SGMS2: variants seen among roughly 807,000 people sequenced by gnomAD.
SGMS2 encodes the protein phosphatidylcholine:ceramide cholinephosphotransferase 2.
A neutral mutation model predicts 43.8 loss-of-function variants in SGMS2; 21 were observed. The ratio of observed to expected loss-of-function variants is 0.48; its 90% CI spans 0.34 to 0.69. The LOEUF (loss-of-function observed/expected upper bound fraction) is 0.69, where lower values mean the gene tolerates loss of function less well. Ranked by LOEUF, SGMS2 falls within the 30% of genes least tolerant of loss-of-function variation. The pLI is 0.01. For missense variants in SGMS2, 384 were observed against 443.2 expected (o/e 0.87, Z 1.20); for synonymous variants, 167 against 160.6 (o/e 1.04, Z -0.30).
At chr4:107,907,283 AT>A (rs1361662816) in intron 5 of SGMS2, 5 of 152,240 alleles carry the variant, frequency 3.3e-5, no homozygotes, top group African/African-American at 1.2e-4. Context: ...AAGAGATTAT[AT>A]TTGAATGATA....
intron 2 of SGMS2, among the ~76,000 whole-genome samples, chr4:107,859,584 GA>G (rs2126029580): frequency 6.6e-6 from 1 of 152,266 alleles, no homozygotes; most frequent in Admixed American, 6.5e-5. Context: ...GTGAAGAAAA[GA>G]ATTCATTTAT....
At chr4:107,825,631 T>C (rs1725545766) in intron 1 of SGMS2, among the ~76,000 whole-genome samples, 2 of 146,932 alleles carry the variant, frequency 1.4e-5, no homozygotes, top group African/African-American at 5.0e-5. Context: ...TTTTTTTTTT[T>C]TTTTTTTTTT....
intron 2 of SGMS2, among the ~76,000 whole-genome samples, chr4:107,873,712 C>T (rs541958534): frequency 1.1e-4 from 16 of 152,122 alleles, no homozygotes; most frequent in African/African-American, 2.9e-4. Flanking sequence ...TTTACTGTTG[C>T]CACAGTCGAA....
At chr4:107,839,388 T>C (rs976930984) in intron 1 of SGMS2, among the ~76,000 whole-genome samples, 1 of 152,064 alleles carries the variant, frequency 6.6e-6, no homozygotes, top group South Asian at 2.1e-4. Context: ...GTTTTTTTTT[T>C]CCCTTCTCTC....
At chr4:107,869,402 G>A (rs1347849528) in intron 2 of SGMS2, among the ~76,000 whole-genome samples, 1 of 152,094 alleles carries the variant, frequency 6.6e-6, no homozygotes, top group Non-Finnish European at 1.5e-5. Flanking sequence ...GAAATAAACA[G>A]AAATTCAGTA....
At position 107,903,373 on chromosome 4, in the gene SGMS2, G is replaced by GAT. The variant is rs779248083; in HGVS notation, c.714_715insAT (p.Phe239IlefsTer16). 174 of 1,613,680 alleles carry GAT rather than the reference G, an allele frequency of 1.1e-4. No homozygotes were observed. Among genetic ancestry groups the GAT allele is most frequent in the Non-Finnish European group, 1.2e-4 (145 of 1,179,854 alleles). On this transcript the variant is annotated frameshift_variant, in exon 5 of 7. Transcript: ENST00000690982. LOFTEE classifies it high-confidence loss of function. ...CGGTTACGCTGACACTGACTTATTT[G>GAT]TTCATCAAAGAATGTAAGTAATAGC... is the stretch of plus-strand genomic sequence containing the variant.
chr4:107,897,345 T>C (rs977195722), intron 3 of SGMS2, among the ~76,000 whole-genome samples: 6 of 152,234 alleles, frequency 3.9e-5, no homozygotes, highest in Non-Finnish European at 7.4e-5. Flanking sequence ...AACCTGCTCC[T>C]GAAATTGTTA....
At chr4:107,866,547 CAA>C (rs1728137509) in intron 2 of SGMS2, among the ~76,000 whole-genome samples, 1 of 149,362 alleles carries the variant, frequency 6.7e-6, no homozygotes, top group Non-Finnish European at 1.5e-5. Context: ...GCCTGGGTGA[CAA>C]GAGTGAAGCT....
In SGMS2 at chr4:107,904,587, A is replaced by C. The variant is rs149481364; in HGVS notation, c.727+1201A>C. ...AGCGTCTTTTTGTTGCTTCCTTTGT[A>C]AATTCTACATACAGACCTGCAGTAG... On this transcript the variant is annotated intron_variant, in intron 5 of 6. Coordinates refer to ENST00000690982, the MANE Select transcript of SGMS2 (RefSeq NM_001375905.1). Among the ~76,000 whole-genome samples, 3 of 152,274 alleles carry C rather than the reference A, an allele frequency of 2.0e-5. No individual in the cohort carries two copies. In the East Asian group the frequency reaches 5.8e-4, roughly 29 times the overall value.
intron 1 of SGMS2, among the ~76,000 whole-genome samples, chr4:107,833,516 G>A (rs1250842619): frequency 6.6e-5 from 10 of 152,044 alleles, no homozygotes; most frequent in Non-Finnish European, 1.2e-4. Flanking sequence ...CACACCTAAC[G>A]TCACATGATG....
At chr4:107,828,333 T>G in intron 1 of SGMS2, among the ~76,000 whole-genome samples, 1 of 152,214 alleles carries the variant, frequency 6.6e-6, no homozygotes, top group East Asian at 1.9e-4. Context: ...CCCGGTGAGG[T>G]AGGTACTCTT....
chr4:107,844,686 A>G (rs775879953), intron 1 of SGMS2, among the ~76,000 whole-genome samples: 13 of 152,172 alleles, frequency 8.5e-5, no homozygotes, highest in Non-Finnish European at 1.8e-4. Context: ...AGCCTGAGCA[A>G]CAGAACAAGA....
intron 4 of SGMS2, among the ~76,000 whole-genome samples, chr4:107,902,307 T>G (rs1385748859): frequency 7.9e-6 from 1 of 127,054 alleles, no homozygotes; most frequent in Non-Finnish European, 1.6e-5. Flanking sequence ...AAAAAGGTCT[T>G]TCTGTATTTC....
intron 2 of SGMS2, among the ~76,000 whole-genome samples, chr4:107,869,175 C>A (rs1004462972): frequency 5.3e-5 from 8 of 152,074 alleles, no homozygotes; most frequent in Non-Finnish European, 1.0e-4. Context: ...GGTTTTGTAA[C>A]CCAACTGGGT....
At chr4:107,858,921 A>C (rs2126028592) in intron 2 of SGMS2, among the ~76,000 whole-genome samples, 1 of 152,340 alleles carries the variant, frequency 6.6e-6, no homozygotes, top group South Asian at 2.1e-4. Context: ...AAGAAAACAG[A>C]AAATCTTCAA....
At chr4:107,861,341 A>T (rs1260175360) in intron 2 of SGMS2, among the ~76,000 whole-genome samples, 2 of 152,200 alleles carry the variant, frequency 1.3e-5, no homozygotes, top group Non-Finnish European at 2.9e-5. Context: ...TGGCAATTTG[A>T]TTTCCCAAGA....
At chr4:107,904,632 G>C (rs1350702936) in intron 5 of SGMS2, among the ~76,000 whole-genome samples, 1 of 152,176 alleles carries the variant, frequency 6.6e-6, no homozygotes, top group East Asian at 1.9e-4. Context: ...TGGGATACAT[G>C]TGGGGTCTTC....
Position 107,910,679 on chromosome 4 carries a change from C to T in SGMS2, c.*126C>T, listed in dbSNP as rs1471723848. On this transcript the variant is annotated 3_prime_UTR_variant, in exon 7 of 7. Coordinates refer to ENST00000690982, the MANE Select transcript of SGMS2 (RefSeq NM_001375905.1). The stretch of plus-strand genomic sequence containing the variant: ...AGAAATGGACCAAATTTTGTGTAAA[C>T]GATTAGAAAGATGAACAAAGTATTG... 4 of 822,374 alleles carry T rather than the reference C, an allele frequency of 4.9e-6. No homozygotes were observed. The East Asian group carries it at 1.1e-4, about 22-fold the overall frequency. The allele number at this position is 822,374 out of a possible 1,614,324, so 50.9% of individuals were successfully genotyped here.
At position 107,829,223 on chromosome 4, in the gene SGMS2, G is replaced by T. The variant is rs997167559; in HGVS notation, c.-327+3970G>T. 8.5e-5 allele frequency among the ~76,000 whole-genome samples: 13 copies of T among 152,248 alleles called. No homozygotes were observed. In the East Asian group the frequency reaches 2.5e-3, roughly 29 times the overall value. ...TTTGGGGCTGATTTAATGAAAGTGCGAGAAATTTCTATTAGTTTATTTTTA... is the reference window on the plus strand; with the variant it reads ...TTTGGGGCTGATTTAATGAAAGTGCTAGAAATTTCTATTAGTTTATTTTTA... On this transcript the variant is annotated intron_variant, in intron 1 of 6. Coordinates refer to ENST00000690982, the MANE Select transcript of SGMS2 (RefSeq NM_001375905.1).
Sources: gnomAD v4.1 joint callset for allele counts (sites outside exome capture counted in the v4.1 genomes callset) on GRCh38, gnomAD v4.1.1 for gene constraint, MANE v1.5 for transcripts, NCBI Gene and HGNC (gene_info 2026-07-23, HGNC 2026-07-21) for gene names.